The following MID1 variants were observed in gnomAD, a reference collection of about 807,000 sequenced individuals.
MID1 encodes E3 ubiquitin-protein ligase Midline-1.
A neutral mutation model predicts 40.4 loss-of-function variants in MID1; 7 were observed. The observed-to-expected ratio is 0.17, with a 90% CI of 0.10 to 0.33. The LOEUF is 0.33. Ranked by LOEUF, MID1 falls within the 10% of genes least tolerant of loss-of-function variation. The pLI is 1.00. For missense variants in MID1, 367 were observed against 558.5 expected, an observed-to-expected ratio of 0.66 and a Z score of 3.46; for synonymous variants, 229 against 221.2, an observed-to-expected ratio of 1.04 and a Z score of -0.31.
intron 8 of MID1, among the ~76,000 whole-genome samples, chrX:10,459,141 A>C (rs1928869523): frequency 9.0e-6 from 1 of 111,125 alleles, no homozygotes; most frequent in African/African-American, 3.3e-5. Context: ...TGTGACAACT[A>C]AAAACCTCTT....
intron 1 of MID1, among the ~76,000 whole-genome samples, chrX:10,769,298 C>A (rs1001704801): frequency 1.2e-4 from 13 of 110,732 alleles, no homozygotes; most frequent in Non-Finnish European, 1.1e-4. Context: ...AACAAAAAAA[C>A]CCCAAACAAA....
At chrX:10,768,292 T>C (rs899255920) in intron 1 of MID1, among the ~76,000 whole-genome samples, 10 of 111,122 alleles carry the variant, frequency 9.0e-5, no homozygotes, top group African/African-American at 2.9e-4. Context: ...TAACTGTAAA[T>C]AGCCCTTTCT....
chrX:10,494,001 C>A (rs1489237723), intron 4 of MID1, among the ~76,000 whole-genome samples: 35 of 111,773 alleles, frequency 3.1e-4, no homozygotes, highest in Non-Finnish European at 1.1e-4. Context: ...CTATGATGCA[C>A]GATGATGATG....
chrX:10,506,098 C>T, intron 3 of MID1: 2 of 818,381 alleles, frequency 2.4e-6, no homozygotes, highest in Non-Finnish European at 2.9e-6. Flanking sequence ...ATATCTTGCC[C>T]TGTTGTTGTC....
intron 7 of MID1, among the ~76,000 whole-genome samples, chrX:10,468,313 T>C (rs777079009): frequency 1.8e-4 from 20 of 111,758 alleles, no homozygotes; most frequent in Non-Finnish European, 3.2e-4. Flanking sequence ...ATTTATACTT[T>C]AGTCCCTTAG....
At chrX:10,818,090 G>T (rs1418802908) in intron 1 of MID1, among the ~76,000 whole-genome samples, 1 of 111,949 alleles carries the variant, frequency 8.9e-6, no homozygotes, top group East Asian at 2.8e-4. Context: ...ACATCTTCAG[G>T]ACATATATAT....
intron 3 of MID1, among the ~76,000 whole-genome samples, chrX:10,497,252 T>C (rs925879146): frequency 1.8e-5 from 2 of 112,504 alleles, no homozygotes; most frequent in African/African-American, 3.2e-5. Context: ...CACATTATGA[T>C]GGAGGAAGTA....
intron 1 of MID1, among the ~76,000 whole-genome samples, chrX:10,614,970 T>C (rs1047372861): frequency 4.5e-5 from 5 of 112,128 alleles, no homozygotes; most frequent in Non-Finnish European, 9.4e-5. Flanking sequence ...GATTGGGGAC[T>C]ACCTATGAGT....
At chrX:10,803,300 T>G (rs1263024342) in intron 1 of MID1, among the ~76,000 whole-genome samples, 3 of 110,409 alleles carry the variant, frequency 2.7e-5, no homozygotes, top group Non-Finnish European at 5.7e-5. Flanking sequence ...GTGACATAAG[T>G]AAGATGCTTA....
At chrX:10,674,821 G>A (rs1029352980) in intron 1 of MID1, among the ~76,000 whole-genome samples, 1 of 112,205 alleles carries the variant, frequency 8.9e-6, no homozygotes, top group African/African-American at 3.2e-5. Context: ...AGCATTTTCA[G>A]TTGAGAAAAG....
chrX:10,538,635 C>A (rs1056846384), intron 2 of MID1, among the ~76,000 whole-genome samples: 1 of 111,810 alleles, frequency 8.9e-6, no homozygotes, highest in Non-Finnish European at 1.9e-5. Context: ...CACCACCCTG[C>A]AAAATGAACA....
intron 1 of MID1, among the ~76,000 whole-genome samples, chrX:10,588,984 C>A (rs940702401): frequency 2.7e-5 from 3 of 111,561 alleles, no homozygotes; most frequent in African/African-American, 9.8e-5. Flanking sequence ...AATTTTTCAA[C>A]ATAGTTCCTA....
At chrX:10,546,741 T>G (rs749207749) in intron 2 of MID1, among the ~76,000 whole-genome samples, 1 of 111,888 alleles carries the variant, frequency 8.9e-6, no homozygotes, top group South Asian at 3.8e-4. Flanking sequence ...TACTAGAAAA[T>G]GACTCCCCAC....
intron 1 of MID1, among the ~76,000 whole-genome samples, chrX:10,674,872 T>C (rs1173207037): frequency 8.9e-6 from 1 of 112,426 alleles, no homozygotes; most frequent in Non-Finnish European, 1.9e-5. Context: ...CTTTCATTTT[T>C]TGGCAAAGGA....
At chrX:10,619,006 C>T (rs147348331) in intron 1 of MID1, among the ~76,000 whole-genome samples, 1,782 of 111,980 alleles carry the variant, frequency 0.016, 13 homozygotes, top group Non-Finnish European at 0.026. Flanking sequence ...AAGACGTCCT[C>T]CCCACAGTCC....
intron 1 of MID1, among the ~76,000 whole-genome samples, chrX:10,667,437 T>C (rs954017586): frequency 9.0e-6 from 1 of 111,430 alleles, no homozygotes; most frequent in Non-Finnish European, 1.9e-5. Flanking sequence ...TGTTCTGAAA[T>C]TGCCCTACCA....
intron 1 of MID1, among the ~76,000 whole-genome samples, chrX:10,791,060 G>C (rs1479092619): frequency 8.9e-6 from 1 of 112,360 alleles, no homozygotes; most frequent in African/African-American, 3.2e-5. Flanking sequence ...ATAAATTATT[G>C]CTTAAAAGCA....
chrX:10,786,682 C>G (rs1199501723), intron 1 of MID1, among the ~76,000 whole-genome samples: 1 of 109,526 alleles, frequency 9.1e-6, no homozygotes, highest in Non-Finnish European at 1.9e-5. Flanking sequence ...ATGGATGAAG[C>G]TGGAAACCAT....
chrX:10,620,146 G>A (rs1356857707), intron 1 of MID1, 144 bp downstream of exon 1: 1 of 112,448 alleles, frequency 8.9e-6, no homozygotes, highest in Non-Finnish European at 1.9e-5. Context: ...GGTTGTCTTA[G>A]GAAAATGCAG....
Sources: allele counts gnomAD v4.1 joint callset (sites outside exome capture counted in the v4.1 genomes callset), GRCh38; gene constraint gnomAD v4.1.1; transcripts MANE v1.5; gene names NCBI Gene and HGNC (gene_info 2026-07-23, HGNC 2026-07-21).